Variants in PLCH2 observed in about 807,000 individuals in gnomAD.
PLCH2 encodes phospholipase C eta 2, also known as 1-phosphatidylinositol 4,5-bisphosphate phosphodiesterase eta-2.
In PLCH2, 98 loss-of-function variants were observed where a neutral mutation model predicts 134.7. The observed-to-expected ratio is 0.73, with a 90% confidence interval of 0.62 to 0.86. The LOEUF (loss-of-function observed/expected upper bound fraction) is 0.86. Among genes scored for constraint, PLCH2 ranks in the 40% least tolerant of loss-of-function variants. PLCH2 has a pLI of 0.00. For synonymous variants in PLCH2, 974 were observed against 827.5 expected, an observed-to-expected ratio of 1.18 and a Z score of -3.04; for missense variants, 1,994 against 1,986.6, an observed-to-expected ratio of 1.00 and a Z score of -0.07.
the PLCH2 span, among the ~76,000 whole-genome samples, chr1:2,417,903 T>TC: frequency 2.6e-5 from 4 of 152,162 alleles, no homozygotes; most frequent in Admixed American, 6.5e-5. Context: ...GGCCCCTGCC[T>TC]CCCGGGTTAT....
At chr1:2,472,534 C>G (rs1435285855), upstream of PLCH2, among the ~76,000 whole-genome samples, 1 of 152,134 alleles carries the variant, frequency 6.6e-6, no homozygotes, top group Non-Finnish European at 1.5e-5. Context: ...GCTCTCCTAG[C>G]CCTGGGATGC....
In PLCH2 at chr1:2,426,590, C is replaced by T. The variant is rs145630614; in HGVS notation, c.-178+553C>T. ...CTAGGGCTGGCCCCTCGCGGTCTTCCCTTCCCTTGTCAAACACCCCTCCCT... is the reference window on the plus strand; with the variant it reads ...CTAGGGCTGGCCCCTCGCGGTCTTCTCTTCCCTTGTCAAACACCCCTCCCT... On this transcript the variant is annotated intron_variant, in intron 1 of 3. Coordinates refer to the PLCH2 transcript ENST00000609981. Among the ~76,000 whole-genome samples the T allele has an allele frequency of 2.2e-3, 338 of 152,358 alleles. 2 individuals are homozygous for T. Among genetic ancestry groups the T allele is most frequent in the African/African-American group, 7.6e-3 (317 of 41,588 alleles).
intron 9 of PLCH2, among the ~76,000 whole-genome samples, 176 bp downstream of exon 9, chr1:2,489,554 GC>G (rs1271684747): frequency 1.3e-5 from 2 of 152,226 alleles, no homozygotes; most frequent in Non-Finnish European, 2.9e-5. Flanking sequence ...TCTGGCTCAG[GC>G]CCCTCATGCA....
intron 8 of PLCH2, among the ~76,000 whole-genome samples, chr1:2,488,197 A>C (rs776403831): frequency 6.6e-6 from 1 of 152,340 alleles, no homozygotes; most frequent in East Asian, 1.9e-4. Flanking sequence ...AAGAGAGAAG[A>C]AGCAAGATTG....
chr1:2,471,694 C>G (rs553243907), upstream of PLCH2, among the ~76,000 whole-genome samples: 2 of 152,312 alleles, frequency 1.3e-5, no homozygotes, highest in South Asian at 4.1e-4. Context: ...GGTCAGGTGG[C>G]GCGGCCGATG....
intron 19 of PLCH2, 134 bp downstream of exon 19, chr1:2,499,364 G>C (rs1024471304): frequency 9.6e-6 from 11 of 1,144,044 alleles, no homozygotes; most frequent in Non-Finnish European, 1.2e-5. Context: ...AGCTGAGGAC[G>C]GGAGGAGAGC....
At chr1:2,421,213 G>A (rs1638501353), upstream of PLCH2, among the ~76,000 whole-genome samples, 1 of 152,100 alleles carries the variant, frequency 6.6e-6, no homozygotes, top group Admixed American at 6.5e-5. Flanking sequence ...CCAAAGTGCT[G>A]GGGTTACAGA....
intron 21 of PLCH2, chr1:2,502,677 C>T (rs537186741): frequency 1.2e-4 from 81 of 700,692 alleles, no homozygotes; most frequent in Non-Finnish European, 1.9e-4. Context: ...CACGCTATCC[C>T]GGGGAGAAGC....
chr1:2,502,107 T>G lies in PLCH2; in HGVS notation c.2662-5T>G. On this transcript the variant is annotated splice_polypyrimidine_tract_variant and splice_region_variant and intron_variant, in intron 20 of 21. Coordinates refer to ENST00000378486, the MANE Select transcript of PLCH2 (RefSeq NM_014638.4). ...CAACAGCTACATGGGCTCCTTCTCT[T>G]GCAGGTCAAGCAGGCTCTGGGCCTA... 1 of 1,431,058 alleles carries G rather than the reference T, an allele frequency of 7.0e-7. No individual in the cohort carries two copies. Among genetic ancestry groups the G allele is most frequent in the Non-Finnish European group, 9.1e-7 (1 of 1,096,228 alleles). The allele number at this position is 1,431,058 out of a possible 1,614,324, so 88.6% of individuals were successfully genotyped here.
rs543213041 is a variant in PLCH2 at position 2,503,462 on chromosome 1, G to T, written c.2960-460G>T. On this transcript the variant is annotated intron_variant, in intron 21 of 21. Coordinates refer to ENST00000378486, the MANE Select transcript of PLCH2 (RefSeq NM_014638.4). ...CGTGGAGTAGATTCCCTGGGCCCCA[G>T]GGCTTCGCTGCTTTGGGCTGAAGCA... 347 of 608,058 alleles carry T rather than the reference G, an allele frequency of 5.7e-4. 1 individual carries two copies. The South Asian group carries it at 6.6e-3, about 12-fold the overall frequency. 37.7% of individuals were successfully genotyped at this position (608,058 alleles called of 1,614,324 possible).
At chr1:2,431,147 CGTGTGT>C (rs147662084) in intron 2 of PLCH2, among the ~76,000 whole-genome samples, 7 of 151,170 alleles carry the variant, frequency 4.6e-5, no homozygotes, top group Non-Finnish European at 8.9e-5. Context: ...TGTGCGTGTG[CGTGTGT>C]GTGTGTGTGC....
chr1:2,459,210 C>A (rs1050700672), intron 2 of PLCH2, among the ~76,000 whole-genome samples: 2 of 152,276 alleles, frequency 1.3e-5, no homozygotes, highest in African/African-American at 4.8e-5. Flanking sequence ...ACAAATGCCA[C>A]GCTGGTGACA....
upstream of PLCH2, among the ~76,000 whole-genome samples, chr1:2,473,138 C>T (rs1349219923): frequency 6.6e-6 from 1 of 152,198 alleles, no homozygotes; most frequent in Non-Finnish European, 1.5e-5. Flanking sequence ...CGCTCTTCCT[C>T]TAATCAGCTG....
intron 4 of PLCH2, among the ~76,000 whole-genome samples, chr1:2,483,854 TG>T (rs1299683267): frequency 4.6e-5 from 5 of 108,756 alleles, no homozygotes; most frequent in African/African-American, 1.7e-4. Flanking sequence ...GACCCCCGTG[TG>T]GGGTGGCGCT....
At position 2,494,863 on chromosome 1, in the gene PLCH2, C is replaced by T; in HGVS notation, c.1667C>T (p.Ala556Val). 6.2e-7 allele frequency: 1 copy of T among 1,604,470 alleles called. No individual in the cohort carries two copies. Among genetic ancestry groups the T allele is most frequent in the African/African-American group, 1.3e-5 (1 of 74,930 alleles). Residue 556 changes from alanine (A) to valine (V), a missense_variant, in exon 12 of 22, where the codon GCT becomes GTT. Physicochemically the swap from Ala to Val is moderately conservative, Grantham distance 64. Transcript: ENST00000378486. ...TCTCTCCCCTGGACTCAGAGCAAGG[C>T]TGAAGAGGACGTGGAGTCTGGGGAG... ...PSGKLGRKSK[A>V]EEDVESGEDA...
At chr1:2,456,666 A>G (rs1640511518) in intron 2 of PLCH2, among the ~76,000 whole-genome samples, 1 of 151,942 alleles carries the variant, frequency 6.6e-6, no homozygotes, top group African/African-American at 2.4e-5. Flanking sequence ...CCATGGCTGT[A>G]ACTTGAGGGA....
chr1:2,479,549 G>T, intron 2 of PLCH2, 185 bp from the exon 3 acceptor site: 1 of 602,326 alleles, frequency 1.7e-6, no homozygotes, highest in African/African-American at 1.9e-5. Flanking sequence ...GTCAGCAGTG[G>T]GGGGCTGTGC....
Position 2,487,300 on chromosome 1 carries a change from G to A in PLCH2, c.1038G>A (p.Val346=), listed in dbSNP as rs1322927540. 2.5e-6 allele frequency: 4 copies of A among 1,613,720 alleles called. No homozygotes were observed. In the African/African-American group the frequency reaches 4.0e-5, roughly 16 times the overall value. Residue 346 remains valine (V), a synonymous_variant, in exon 7 of 22, where the codon GTG becomes GTA. Transcript: ENST00000378486. ...FITSSHNTYL[V]GDQLMSQSRV... ...CCTCGTCCCACAACACCTACCTCGT[G>A]GGTGACCAGCTCATGTCCCAGTCAC...
intron 2 of PLCH2, among the ~76,000 whole-genome samples, chr1:2,449,444 G>A (rs1640092964): frequency 6.6e-6 from 1 of 152,210 alleles, no homozygotes; most frequent in African/African-American, 2.4e-5. Flanking sequence ...GCAGTGAGCT[G>A]AGATGGTGCT....
Sources: allele counts gnomAD v4.1 joint callset (sites outside exome capture counted in the v4.1 genomes callset), GRCh38; gene constraint gnomAD v4.1.1; transcripts MANE v1.5; gene names NCBI Gene and HGNC (gene_info 2026-07-23, HGNC 2026-07-21).